Variants in NECTIN3 observed in about 807,000 individuals in gnomAD.
The protein encoded by NECTIN3 is nectin cell adhesion molecule 3.
In NECTIN3, 8 loss-of-function variants were observed where a neutral mutation model predicts 49.4. The observed-to-expected ratio is 0.16, with a 90% CI of 0.10 to 0.29. The LOEUF (loss-of-function observed/expected upper bound fraction) is 0.29. Among genes scored for constraint, NECTIN3 ranks in the 10% least tolerant of loss-of-function variants. The pLI, the probability that NECTIN3 is intolerant of heterozygous loss-of-function variation, is 1.00. For synonymous variants in NECTIN3, 277 were observed against 241.1 expected (o/e 1.15, Z -1.38); for missense variants, 581 against 654.6 (o/e 0.89, Z 1.23).
At chr3:111,166,987 A>G (rs2035330805) in intron 7 of NECTIN3, among the ~76,000 whole-genome samples, 1 of 152,144 alleles carries the variant, frequency 6.6e-6, no homozygotes, top group Non-Finnish European at 1.5e-5. Flanking sequence ...TAGGTGATTC[A>G]CCCATTTGAG....
chr3:111,161,508 G>A (rs1044779538), intron 7 of NECTIN3, among the ~76,000 whole-genome samples: 5 of 152,134 alleles, frequency 3.3e-5, no homozygotes, highest in Non-Finnish European at 5.9e-5. Flanking sequence ...TGGCTTGTTA[G>A]GAACCAGGCC....
At chr3:111,091,856 T>TA (rs2032291136) in intron 1 of NECTIN3, among the ~76,000 whole-genome samples, 1 of 152,224 alleles carries the variant, frequency 6.6e-6, no homozygotes, top group Non-Finnish European at 1.5e-5. Context: ...AATTATATTT[T>TA]ACCTTTTGAA....
At chr3:111,132,548 T>G (rs1315679868) in intron 5 of NECTIN3, among the ~76,000 whole-genome samples, 4 of 151,912 alleles carry the variant, frequency 2.6e-5, no homozygotes, top group Non-Finnish European at 5.9e-5. Context: ...AAACTTACCC[T>G]TTCTTCAAAC....
At chr3:111,153,161 A>G (rs1274034828) in intron 7 of NECTIN3, among the ~76,000 whole-genome samples, 1 of 151,922 alleles carries the variant, frequency 6.6e-6, no homozygotes, top group Non-Finnish European at 1.5e-5. Flanking sequence ...CTTGAGTAGA[A>G]AAATGTTTTC....
At chr3:111,165,349 T>C (rs997274966) in intron 7 of NECTIN3, among the ~76,000 whole-genome samples, 8 of 152,142 alleles carry the variant, frequency 5.3e-5, no homozygotes, top group Non-Finnish European at 1.2e-4. Context: ...GGCCAGATTT[T>C]TTTTTAAAGC....
chr3:111,097,972 C>T (rs1306579795), intron 1 of NECTIN3, among the ~76,000 whole-genome samples: 2 of 152,190 alleles, frequency 1.3e-5, no homozygotes, highest in African/African-American at 4.8e-5. Flanking sequence ...CTTTTCCCCA[C>T]CTCTTCCTTG....
At chr3:111,097,215 T>G (rs911534737) in intron 1 of NECTIN3, among the ~76,000 whole-genome samples, 1 of 152,110 alleles carries the variant, frequency 6.6e-6, no homozygotes, top group African/African-American at 2.4e-5. Flanking sequence ...GAGCTTTAAG[T>G]TTTGCCTGCC....
chr3:111,188,181 A>G (rs2035754964), upstream of NECTIN3, among the ~76,000 whole-genome samples: 1 of 152,220 alleles, frequency 6.6e-6, no homozygotes, highest in Non-Finnish European at 1.5e-5. Context: ...GCATGTACTC[A>G]TCTGCCATTA....
chr3:111,072,589 G>C, intron 1 of NECTIN3: 1 of 1,533,986 alleles, frequency 6.5e-7, no homozygotes, highest in Non-Finnish European at 8.7e-7. Flanking sequence ...AAACCCTAGG[G>C]ACCGGAGCCC....
downstream of NECTIN3, among the ~76,000 whole-genome samples, chr3:111,141,688 C>A (rs866803669): frequency 6.6e-6 from 1 of 151,798 alleles, no homozygotes; most frequent in South Asian, 2.1e-4. Context: ...ATATGAGTTA[C>A]CATTACTACT....
intron 1 of NECTIN3, among the ~76,000 whole-genome samples, chr3:111,087,588 G>A (rs1045516193): frequency 6.6e-6 from 1 of 152,128 alleles, no homozygotes; most frequent in Non-Finnish European, 1.5e-5. Flanking sequence ...AGGAGGTGGA[G>A]GTTGCAGTGA....
chr3:111,134,811 A>G lies in NECTIN3; in HGVS notation c.*596A>G. 1 of 981,522 alleles carries G rather than the reference A, an allele frequency of 1.0e-6. No individual in the cohort carries two copies. Among genetic ancestry groups the G allele is most frequent in the Non-Finnish European group, 1.2e-6 (1 of 826,472 alleles). 60.8% of individuals were successfully genotyped at this position (981,522 alleles called of 1,614,324 possible). A position where few individuals can be genotyped will look rare whatever the true frequency, so the allele number is the denominator to read the frequency against. ...CTGCATATTAATGAGCCTTGCCATA[A>G]TTACTGTAGAGTGGCTTTTCAAAGA... On this transcript the variant is annotated 3_prime_UTR_variant, in exon 6 of 6. Transcript: ENST00000485303.
intron 7 of NECTIN3, among the ~76,000 whole-genome samples, chr3:111,156,396 T>C (rs966411922): frequency 3.3e-5 from 5 of 152,232 alleles, no homozygotes; most frequent in East Asian, 1.9e-4. Context: ...AAAGAGGCCA[T>C]TGGTTAAAAA....
In NECTIN3 at chr3:111,133,782, T is replaced by G. The variant is rs1004158566; in HGVS notation, c.1217T>G (p.Ile406Ser). 2 of 1,613,842 alleles carry G rather than the reference T, an allele frequency of 1.2e-6. No individual in the cohort carries two copies. The highest frequency in any genetic ancestry group is 2.7e-5 in the African/African-American group (2 of 74,916). Residue 406 changes from isoleucine (I) to serine (S), a missense_variant, in exon 6 of 6, where the codon ATT (isoleucine) becomes AGT (serine). Transcript: ENST00000485303. ...TIKDDTIATI[I>S]ASVVGGALFI... The stretch of plus-strand genomic sequence containing the variant: ...AAGGATGACACAATTGCCACGATCA[T>G]TGCTAGTGTAGTGGGTGGGGCTCTC...
Position 111,112,104 on chromosome 3 carries a change from T to G in NECTIN3, c.235T>G (p.Leu79Val). ...GGGAAAGAATGTTTCATTAAAGTGT[T>G]TAATTGAAGTAAATGAAACCATAAC... Reference protein sequence around the residue: ...VWGKNVSLKCLIEVNETITQI... With the variant: ...VWGKNVSLKCVIEVNETITQI... Residue 79 changes from leucine to valine, a missense_variant, in exon 2 of 6, where the codon TTA (leucine) becomes GTA (valine). This residue lies in a region of NECTIN3 where 234 missense variants were observed against 340.6 expected (regional missense o/e 0.69). Transcript: ENST00000485303. 13 of 1,613,806 alleles carry G rather than the reference T, an allele frequency of 8.1e-6. No homozygotes were observed. The highest frequency in any genetic ancestry group is 1.1e-5 in the Non-Finnish European group (13 of 1,179,866).
At chr3:111,181,691 CT>C (rs1163775392) in intron 7 of NECTIN3, among the ~76,000 whole-genome samples, 1 of 152,028 alleles carries the variant, frequency 6.6e-6, no homozygotes. Flanking sequence ...TCATAATACA[CT>C]TTTTTAACCT....
At chr3:111,124,242 T>A (rs1195922062) in intron 4 of NECTIN3, among the ~76,000 whole-genome samples, 1 of 152,198 alleles carries the variant, frequency 6.6e-6, no homozygotes, top group Non-Finnish European at 1.5e-5. Context: ...CTTCTATATG[T>A]CTTTTTTGAG....
chr3:111,189,688 T>G (rs2035780226), upstream of NECTIN3, among the ~76,000 whole-genome samples: 3 of 152,246 alleles, frequency 2.0e-5, no homozygotes, highest in African/African-American at 7.2e-5. Flanking sequence ...TGTATTTTCC[T>G]TTGACCAGGA....
intron 1 of NECTIN3, among the ~76,000 whole-genome samples, chr3:111,088,431 G>C (rs1236886742): frequency 6.6e-6 from 1 of 151,984 alleles, no homozygotes; most frequent in Non-Finnish European, 1.5e-5. Flanking sequence ...TTCCTTCATT[G>C]CAACACAAAA....
Sources: allele counts gnomAD v4.1 joint callset (sites outside exome capture counted in the v4.1 genomes callset), GRCh38; gene constraint gnomAD v4.1.1; regional missense constraint gnomAD v4.1.1; transcripts MANE v1.5; gene names NCBI Gene and HGNC (gene_info 2026-07-23, HGNC 2026-07-21).